Variants in PTPRD observed in about 807,000 individuals in gnomAD.
PTPRD encodes receptor-type tyrosine-protein phosphatase delta.
PTPRD carries 34 observed loss-of-function variants against 214.5 expected under a neutral mutation model. That is an observed-to-expected ratio of 0.16 (90% CI 0.12 to 0.21). PTPRD has a LOEUF of 0.21. Ranked by LOEUF, PTPRD falls within the 10% of genes least tolerant of loss-of-function variation. The pLI is 1.00. For missense variants in PTPRD, 2,545 were observed against 2,398.7 expected (o/e 1.06, Z -1.27); for synonymous variants, 1,128 against 845.7 (o/e 1.33, Z -5.79).
intron 6 of PTPRD, among the ~76,000 whole-genome samples, chr9:9,747,853 T>G (rs2098474232): frequency 6.6e-6 from 1 of 152,182 alleles, no homozygotes; most frequent in Non-Finnish European, 1.5e-5. Context: ...GCACCTGGCC[T>G]GAGTCTACCA....
At chr9:8,345,086 G>A (rs1231196206) in intron 39 of PTPRD, among the ~76,000 whole-genome samples, 1 of 151,910 alleles carries the variant, frequency 6.6e-6, no homozygotes, top group East Asian at 1.9e-4. Flanking sequence ...ACTCTCTCAA[G>A]CTGCTCTTCC....
chr9:9,673,231 T>C (rs1217819723), intron 7 of PTPRD, among the ~76,000 whole-genome samples: 1 of 151,992 alleles, frequency 6.6e-6, no homozygotes, highest in African/African-American at 2.4e-5. Context: ...TGTTGATTTC[T>C]TTCCCTATTA....
chr9:10,146,582 C>T (rs867542243), intron 3 of PTPRD, among the ~76,000 whole-genome samples: 1 of 152,180 alleles, frequency 6.6e-6, no homozygotes, highest in Middle Eastern at 3.4e-3. Context: ...AATAAATAGT[C>T]TTGAAAGCTA....
chr9:8,376,585 G>A (rs367581696), intron 38 of PTPRD, 22 bp downstream of exon 38: 2 of 1,612,016 alleles, frequency 1.2e-6, no homozygotes, highest in Admixed American at 1.7e-5. Flanking sequence ...GGAAAGGGAG[G>A]AGAAAAAGAT....
rs866637285 is a variant in PTPRD, at chr9:8,934,444, T to A, written c.-104+84253A>T. 8.4e-4 allele frequency among the ~76,000 whole-genome samples: 33 copies of A among 39,380 alleles called. 1 individual carries two copies. The highest frequency in any genetic ancestry group is 2.6e-3 in the East Asian group (5 of 1,924). The allele number at this position is 39,380 out of a possible 152,430, so 25.8% of individuals were successfully genotyped here. On this transcript the variant is annotated intron_variant, in intron 11 of 45. Transcript: ENST00000381196. ...GTGTATATATATATATAAATATATA[T>A]ATAAATTTATATATATATAAATATA...
chr9:8,912,135 C>T (rs1254174237), intron 11 of PTPRD, among the ~76,000 whole-genome samples: 1 of 151,952 alleles, frequency 6.6e-6, no homozygotes, highest in Non-Finnish European at 1.5e-5. Context: ...GGCAGATGAC[C>T]CAGGAATTCC....
Position 10,402,703 on chromosome 9 carries a change from T to C in PTPRD, c.-599-61686A>G, listed in dbSNP as rs561048599. On this transcript the variant is annotated intron_variant, in intron 2 of 45. Transcript: ENST00000381196. ...TAGTTGTTAGCTTGACTAAATCATT[T>C]TTCCCAGCCTAATTTTGTCTATCTC... 2.0e-5 allele frequency among the ~76,000 whole-genome samples: 3 copies of C among 151,828 alleles called. No individual in the cohort carries two copies. The South Asian group carries it at 6.2e-4, about 31-fold the overall frequency.
Position 9,925,111 on chromosome 9 carries a change from C to T in PTPRD, c.-368+13396G>A, listed in dbSNP as rs2083810668. On this transcript the variant is annotated intron_variant, in intron 5 of 45. Transcript: ENST00000381196. ...ATATATTACAGATAGTGTTATTCAA[C>T]TATTATAGTAGGTTGTAGCAGTACA... 2.0e-5 allele frequency among the ~76,000 whole-genome samples: 3 copies of T among 151,960 alleles called. No individual in the cohort carries two copies. In the South Asian group the frequency reaches 6.2e-4, roughly 31 times the overall value.
chr9:9,235,331 G>T (rs1018613980), intron 9 of PTPRD, among the ~76,000 whole-genome samples: 1 of 152,146 alleles, frequency 6.6e-6, no homozygotes, highest in African/African-American at 2.4e-5. Flanking sequence ...AGATTTGGGT[G>T]GGGACACAGC....
chr9:8,667,653 C>A (rs541415989), intron 12 of PTPRD, among the ~76,000 whole-genome samples: 3 of 151,868 alleles, frequency 2.0e-5, no homozygotes, highest in Admixed American at 2.0e-4. Flanking sequence ...ATTTCACATA[C>A]ATGAAATATA....
chr9:9,811,619 A>C (rs1051179146), intron 5 of PTPRD, among the ~76,000 whole-genome samples: 1 of 152,104 alleles, frequency 6.6e-6, no homozygotes, highest in Non-Finnish European at 1.5e-5. Context: ...AGGCAGAAGA[A>C]CGGTGTGAAC....
At chr9:10,597,277 A>G (rs1377037637) in intron 2 of PTPRD, among the ~76,000 whole-genome samples, 1 of 151,720 alleles carries the variant, frequency 6.6e-6, no homozygotes, top group African/African-American at 2.4e-5. Flanking sequence ...ATATGCAAAT[A>G]CACATGTTAC....
At chr9:8,414,283 G>A (rs2093735439) in intron 35 of PTPRD, among the ~76,000 whole-genome samples, 1 of 152,128 alleles carries the variant, frequency 6.6e-6, no homozygotes, top group Non-Finnish European at 1.5e-5. Context: ...GACTTTTTGT[G>A]CATCTGAAAT....
intron 11 of PTPRD, among the ~76,000 whole-genome samples, chr9:8,778,437 G>T (rs888262895): frequency 1.3e-5 from 2 of 152,128 alleles, no homozygotes; most frequent in African/African-American, 2.4e-5. Flanking sequence ...AGAAGTTCTC[G>T]CTACCTCTGG....
intron 36 of PTPRD, among the ~76,000 whole-genome samples, chr9:8,403,724 A>G (rs1283857129): frequency 6.6e-6 from 1 of 152,250 alleles, no homozygotes; most frequent in African/African-American, 2.4e-5. Flanking sequence ...CAGATTACCA[A>G]GCAGTCCACA....
chr9:9,914,902 A>C (rs1035467518), intron 5 of PTPRD, among the ~76,000 whole-genome samples: 14 of 152,156 alleles, frequency 9.2e-5, no homozygotes, highest in Non-Finnish European at 2.1e-4. Context: ...ACATGCTTCC[A>C]GGCTGGCAGA....
chr9:10,065,467 G>T (rs980552847), intron 3 of PTPRD, among the ~76,000 whole-genome samples: 18 of 151,388 alleles, frequency 1.2e-4, no homozygotes, highest in African/African-American at 4.4e-4. Context: ...TTTTTTCTTG[G>T]GAGAAGGCCT....
intron 34 of PTPRD, among the ~76,000 whole-genome samples, chr9:8,440,268 G>A (rs952477566): frequency 1.3e-5 from 2 of 151,752 alleles, no homozygotes; most frequent in African/African-American, 4.8e-5. Flanking sequence ...GGGCTTGCCA[G>A]TGTCATGACC....
At chr9:8,597,884 A>G (rs777499677) in intron 14 of PTPRD, among the ~76,000 whole-genome samples, 1 of 152,220 alleles carries the variant, frequency 6.6e-6, no homozygotes, top group Non-Finnish European at 1.5e-5. Context: ...ATTATTTAAA[A>G]GAAAAATGTA....
Sources: allele counts gnomAD v4.1 joint callset (sites outside exome capture counted in the v4.1 genomes callset), GRCh38; gene constraint gnomAD v4.1.1; transcripts MANE v1.5; gene names NCBI Gene and HGNC (gene_info 2026-07-23, HGNC 2026-07-21).